Variants in GALNTL6 observed in about 807,000 individuals in gnomAD.
GALNTL6 encodes the protein polypeptide N-acetylgalactosaminyltransferase-like 6.
A neutral mutation model predicts 73.7 loss-of-function variants in GALNTL6; 46 were observed. That is an observed-to-expected ratio of 0.62 (90% CI 0.49 to 0.80). The LOEUF (loss-of-function observed/expected upper bound fraction) is 0.80. Among genes scored for constraint, GALNTL6 ranks in the 30% least tolerant of loss-of-function variants. The pLI, the probability that GALNTL6 is intolerant of heterozygous loss-of-function variation, is 0.00. For synonymous variants in GALNTL6, 259 were observed against 263.7 expected, an observed-to-expected ratio of 0.98 and a Z score of 0.17; for missense variants, 604 against 755.0, an observed-to-expected ratio of 0.80 and a Z score of 2.34.
intron 3 of GALNTL6, among the ~76,000 whole-genome samples, chr4:172,290,250 G>A (rs956283780): frequency 6.6e-6 from 1 of 152,136 alleles, no homozygotes; most frequent in African/African-American, 2.4e-5. Context: ...CTTTCAGTTT[G>A]TATTTGGTTC....
At chr4:172,017,142 G>A (rs2110792521) in intron 2 of GALNTL6, among the ~76,000 whole-genome samples, 1 of 152,232 alleles carries the variant, frequency 6.6e-6, no homozygotes, top group East Asian at 1.9e-4. Flanking sequence ...GTGGGCTAAG[G>A]TAGCCTCCTT....
At chr4:172,080,623 A>G (rs2110920122) in intron 2 of GALNTL6, among the ~76,000 whole-genome samples, 1 of 151,902 alleles carries the variant, frequency 6.6e-6, no homozygotes, top group South Asian at 2.1e-4. Context: ...AAATATTTAA[A>G]TATTAATACA....
intron 5 of GALNTL6, among the ~76,000 whole-genome samples, chr4:172,720,433 G>A (rs1053113204): frequency 7.9e-5 from 12 of 152,252 alleles, no homozygotes; most frequent in Non-Finnish European, 1.5e-4. Flanking sequence ...TGAACTTCCC[G>A]AGGCTCCACC....
chr4:172,472,058 A>G (rs1266442686), intron 5 of GALNTL6, among the ~76,000 whole-genome samples: 1 of 152,230 alleles, frequency 6.6e-6, no homozygotes, highest in Non-Finnish European at 1.5e-5. Context: ...GCTATAGTAC[A>G]ACATCTCCAT....
chr4:173,023,286 T>C (rs186494749), intron 12 of GALNTL6, among the ~76,000 whole-genome samples: 4 of 152,338 alleles, frequency 2.6e-5, no homozygotes, highest in Admixed American at 2.0e-4. Context: ...AAAGGTGGAC[T>C]TGTTTGTATA....
intron 4 of GALNTL6, among the ~76,000 whole-genome samples, chr4:172,319,887 A>G: frequency 6.6e-6 from 1 of 152,138 alleles, no homozygotes; most frequent in East Asian, 1.9e-4. Context: ...AATTTATGAA[A>G]ATTTGGTAAG....
At chr4:172,213,530 G>A (rs1027823108) in intron 2 of GALNTL6, among the ~76,000 whole-genome samples, 8 of 152,090 alleles carry the variant, frequency 5.3e-5, no homozygotes, top group African/African-American at 2.4e-5. Flanking sequence ...ATTAAGGATC[G>A]TTGTATATGC....
chr4:172,141,064 C>G (rs888244974), intron 2 of GALNTL6, among the ~76,000 whole-genome samples: 3 of 151,990 alleles, frequency 2.0e-5, no homozygotes, highest in African/African-American at 7.2e-5. Flanking sequence ...AATCTTTGCC[C>G]TTTATGTAAA....
At chr4:172,292,793 T>A (rs12502211) in intron 3 of GALNTL6, among the ~76,000 whole-genome samples, 3 of 151,938 alleles carry the variant, frequency 2.0e-5, no homozygotes, top group Non-Finnish European at 2.9e-5. Context: ...AAGAAATTAC[T>A]CTAATTGAAG....
At chr4:172,790,463 G>T (rs190315802) in intron 5 of GALNTL6, among the ~76,000 whole-genome samples, 1 of 152,288 alleles carries the variant, frequency 6.6e-6, no homozygotes, top group African/African-American at 2.4e-5. Context: ...AGAGAAGGCT[G>T]CCACCTGTGA....
intron 2 of GALNTL6, among the ~76,000 whole-genome samples, chr4:172,145,516 G>A (rs1733907076): frequency 6.6e-6 from 1 of 152,004 alleles, no homozygotes; most frequent in Non-Finnish European, 1.5e-5. Context: ...AAATTCTGGG[G>A]TTACAAGCAT....
At chr4:171,815,949 A>T (rs1734514629) in intron 2 of GALNTL6, 1 of 152,158 alleles carries the variant, frequency 6.6e-6, no homozygotes, top group African/African-American at 2.4e-5. Context: ...AAAAATGTTG[A>T]CATATTTTCA....
At chr4:172,143,576 C>T (rs889049855) in intron 2 of GALNTL6, among the ~76,000 whole-genome samples, 1 of 151,920 alleles carries the variant, frequency 6.6e-6, no homozygotes, top group Admixed American at 6.6e-5. Flanking sequence ...AATGCTTACT[C>T]TTGTATTTTT....
intron 5 of GALNTL6, among the ~76,000 whole-genome samples, chr4:172,349,186 T>C (rs1741856105): frequency 6.6e-6 from 1 of 152,116 alleles, no homozygotes; most frequent in Non-Finnish European, 1.5e-5. Flanking sequence ...ATTTTATCTA[T>C]CTGAACAATA....
intron 7 of GALNTL6, among the ~76,000 whole-genome samples, chr4:172,829,202 C>T (rs935752581): frequency 6.6e-6 from 1 of 152,214 alleles, no homozygotes; most frequent in Non-Finnish European, 1.5e-5. Context: ...GAGCGCAAAA[C>T]ACAGACAGGA....
chr4:172,603,390 C>G (rs376332813), intron 5 of GALNTL6, among the ~76,000 whole-genome samples: 1 of 152,160 alleles, frequency 6.6e-6, no homozygotes, highest in African/African-American at 2.4e-5. Context: ...GCCATACCGT[C>G]CCACAGGCAG....
chr4:172,275,971 A>G (rs1738817366), intron 3 of GALNTL6, among the ~76,000 whole-genome samples: 1 of 152,192 alleles, frequency 6.6e-6, no homozygotes, highest in African/African-American at 2.4e-5. Context: ...CAAAAAATAG[A>G]TCATAGTTCT....
intron 2 of GALNTL6, among the ~76,000 whole-genome samples, chr4:171,920,825 T>A (rs1737763368): frequency 6.6e-6 from 1 of 152,088 alleles, no homozygotes; most frequent in South Asian, 2.1e-4. Flanking sequence ...TGTACACATA[T>A]GAAAAGCATC....
At chr4:172,655,828 A>G (rs1205807054) in intron 5 of GALNTL6, among the ~76,000 whole-genome samples, 2 of 152,228 alleles carry the variant, frequency 1.3e-5, no homozygotes, top group Non-Finnish European at 2.9e-5. Context: ...AGCATAGTGT[A>G]GAGAATTTGG....
Sources: allele counts gnomAD v4.1 joint callset (sites outside exome capture counted in the v4.1 genomes callset), GRCh38; gene constraint gnomAD v4.1.1; transcripts MANE v1.5; gene names NCBI Gene and HGNC (gene_info 2026-07-23, HGNC 2026-07-21).